Variants in NRP1 observed in about 807,000 individuals in gnomAD.
NRP1 encodes the protein neuropilin 1, also known as neuropilin-1.
Under a neutral mutation model 106.7 loss-of-function variants are expected in NRP1, and 35 were observed. The observed-to-expected ratio is 0.33, with a 90% CI of 0.25 to 0.43. NRP1 has a LOEUF of 0.43. Among genes scored for constraint, NRP1 ranks in the 20% least tolerant of loss-of-function variants. The pLI is 1.00. For synonymous variants in NRP1, 437 were observed against 417.9 expected (o/e 1.05, Z -0.56); for missense variants, 1,024 against 1,170.4 (o/e 0.87, Z 1.83).
At chr10:33,197,510 T>G in intron 12 of NRP1, 140 bp downstream of exon 12, 1 of 530,766 alleles carries the variant, frequency 1.9e-6, no homozygotes, top group African/African-American at 1.9e-5. Context: ...GAAAGCAATA[T>G]TTATGGCTCA....
chr10:33,202,483 C>T (rs988435504), intron 11 of NRP1: 18 of 854,074 alleles, frequency 2.1e-5, no homozygotes, highest in African/African-American at 5.1e-5. Context: ...GATAAAGGAT[C>T]CACTCAAAAA....
At chr10:33,240,711 T>A (rs1270018197) in intron 6 of NRP1, among the ~76,000 whole-genome samples, 1 of 152,160 alleles carries the variant, frequency 6.6e-6, no homozygotes. Flanking sequence ...CAAAAAACTC[T>A]CCTTGGCATT....
chr10:33,231,680 G>A (rs555765287), intron 6 of NRP1, among the ~76,000 whole-genome samples: 1 of 152,294 alleles, frequency 6.6e-6, no homozygotes, highest in South Asian at 2.1e-4. Flanking sequence ...CAGTAAGAGT[G>A]TGCAAAACGC....
At position 33,182,742 on chromosome 10, in the gene NRP1, G is replaced by T; in HGVS notation, c.2438C>A (p.Ala813Glu). Residue 813 changes from alanine to glutamate, a missense_variant, in exon 16 of 17, where the codon GCA (alanine) becomes GAA (glutamate). Ala to Glu is a moderately radical substitution (Grantham distance 107). Transcript: ENST00000374867. ...TTCTGGGTTCTTTTTATCCAGGTCT[G>T]CTGGTTCTGACAAGTCAAACAAAAT... is the stretch of plus-strand genomic sequence containing the variant. ...HISQEDCAKP[A>E]DLDKKNPEIK... The T allele has an allele frequency of 6.2e-7, 1 of 1,612,342 alleles. No individual in the cohort carries two copies. The highest frequency in any genetic ancestry group is 8.5e-7 in the Non-Finnish European group (1 of 1,179,244).
intron 9 of NRP1, among the ~76,000 whole-genome samples, chr10:33,209,175 G>A (rs1435456475): frequency 6.6e-6 from 1 of 152,092 alleles, no homozygotes; most frequent in African/African-American, 2.4e-5. Flanking sequence ...CCAAAGTGCT[G>A]GGATTATAGG....
chr10:33,257,094 T>C (rs1055235768), intron 4 of NRP1, among the ~76,000 whole-genome samples: 1 of 152,210 alleles, frequency 6.6e-6, no homozygotes, highest in African/African-American at 2.4e-5. Context: ...CAAATCATTG[T>C]AACCATGTAA....
intron 6 of NRP1, among the ~76,000 whole-genome samples, chr10:33,242,554 T>C (rs1457143051): frequency 1.3e-5 from 2 of 152,296 alleles, no homozygotes; most frequent in Admixed American, 6.5e-5. Context: ...TCTTTTCTCT[T>C]CTCCCCCTAA....
chr10:33,278,819 T>C (rs1267787706), intron 2 of NRP1, among the ~76,000 whole-genome samples: 3 of 152,198 alleles, frequency 2.0e-5, no homozygotes, highest in African/African-American at 7.2e-5. Context: ...TTTAAGCTTT[T>C]GTAATGTCTC....
intron 12 of NRP1, 138 bp from the exon 13 acceptor site, chr10:33,192,556 G>A: frequency 1.2e-6 from 1 of 868,096 alleles, no homozygotes; most frequent in South Asian, 2.1e-5. Context: ...TTCCAGGAAA[G>A]CCAGGATTAC....
intron 11 of NRP1, chr10:33,202,518 A>C: frequency 7.9e-7 from 1 of 1,260,220 alleles, no homozygotes. Flanking sequence ...AGAAAATGAA[A>C]ATAAACATTC....
intron 6 of NRP1, among the ~76,000 whole-genome samples, chr10:33,253,214 G>A (rs139888631): frequency 6.6e-6 from 1 of 152,126 alleles, no homozygotes; most frequent in Non-Finnish European, 1.5e-5. Flanking sequence ...TCAGCATCAG[G>A]CCTTTGGGTG....
intron 4 of NRP1, among the ~76,000 whole-genome samples, chr10:33,261,702 T>C (rs1283929566): frequency 6.6e-6 from 1 of 152,160 alleles, no homozygotes; most frequent in Non-Finnish European, 1.5e-5. Flanking sequence ...AATAATAATG[T>C]CATTTCAAAG....
At position 33,208,899 on chromosome 10, in the gene NRP1, CTTTT is replaced by C. The variant is rs11310131; in HGVS notation, c.1615-1187_1615-1184del. Among the ~76,000 whole-genome samples, 849 of 85,196 alleles carry C rather than the reference CTTTT, an allele frequency of 1.0e-2. 1 individual carries two copies. Among genetic ancestry groups the C allele is most frequent in the African/African-American group, 0.038 (805 of 21,296 alleles). 55.9% of individuals were successfully genotyped at this position (85,196 alleles called of 152,430 possible). On this transcript the variant is annotated intron_variant, in intron 9 of 16. Transcript: ENST00000374867. ...ATAAAATGGTCCATTTTAGAGCAGC[CTTTT>C]TTTTTTTTTTTTTTTTTTTTTGAGA...
chr10:33,218,939 C>G (rs555710893), intron 8 of NRP1, among the ~76,000 whole-genome samples: 98 of 152,260 alleles, frequency 6.4e-4, no homozygotes, highest in African/African-American at 2.3e-3. Flanking sequence ...GCAAACAGGT[C>G]CCCTGCTCTC....
At chr10:33,226,046 C>A (rs1839637846) in intron 7 of NRP1, 88 bp downstream of exon 7, 1 of 1,419,616 alleles carries the variant, frequency 7.0e-7, no homozygotes, top group Non-Finnish European at 9.8e-7. Context: ...ATAAACCAGG[C>A]CAGACAGAAA....
chr10:33,293,960 C>A (rs1845192891), intron 2 of NRP1, among the ~76,000 whole-genome samples: 1 of 152,196 alleles, frequency 6.6e-6, no homozygotes, highest in South Asian at 2.1e-4. Context: ...AACCTCAGGA[C>A]AACCCAAAGA....
intron 4 of NRP1, among the ~76,000 whole-genome samples, chr10:33,260,620 G>A (rs1162478344): frequency 6.6e-6 from 1 of 152,062 alleles, no homozygotes; most frequent in East Asian, 1.9e-4. Flanking sequence ...TGCACTTTTG[G>A]TCTTAGCCCA....
chr10:33,285,979 A>G (rs139507829), intron 2 of NRP1, among the ~76,000 whole-genome samples: 37 of 152,284 alleles, frequency 2.4e-4, no homozygotes, highest in Admixed American at 9.2e-4. Flanking sequence ...TTTGCCTCCA[A>G]TCTGTTCCGT....
intron 6 of NRP1, among the ~76,000 whole-genome samples, chr10:33,233,320 A>G (rs1363723733): frequency 6.6e-6 from 1 of 152,174 alleles, no homozygotes; most frequent in Admixed American, 6.5e-5. Context: ...AGATATCTAC[A>G]GGAACCATCC....
Sources: allele counts gnomAD v4.1 joint callset (sites outside exome capture counted in the v4.1 genomes callset), GRCh38; gene constraint gnomAD v4.1.1; transcripts MANE v1.5; gene names NCBI Gene and HGNC (gene_info 2026-07-23, HGNC 2026-07-21).